ITFG1: variants seen among roughly 807,000 people sequenced by gnomAD.
ITFG1 encodes T-cell immunomodulatory protein.
Under a neutral mutation model 81.8 loss-of-function variants are expected in ITFG1, and 34 were observed. The ratio of observed to expected loss-of-function variants is 0.42; its 90% CI spans 0.32 to 0.55. The LOEUF (loss-of-function observed/expected upper bound fraction) is 0.55. ITFG1 is among the 20% of genes least tolerant of loss of function. The pLI, the probability that ITFG1 is intolerant of heterozygous loss-of-function variation, is 0.17. For synonymous variants in ITFG1, 285 were observed against 270.6 expected (o/e 1.05, Z -0.52); for missense variants, 672 against 755.4 (o/e 0.89, Z 1.29).
chr16:47,437,638 G>C (rs1204177420), intron 5 of ITFG1, among the ~76,000 whole-genome samples: 1 of 152,222 alleles, frequency 6.6e-6, no homozygotes, highest in Non-Finnish European at 1.5e-5. Flanking sequence ...CATTCTATTA[G>C]AAGCATACTC....
At chr16:47,314,806 G>A (rs944324435) in intron 8 of ITFG1, among the ~76,000 whole-genome samples, 4 of 152,014 alleles carry the variant, frequency 2.6e-5, no homozygotes, top group Admixed American at 6.6e-5. Context: ...TATTTAACTC[G>A]TGCCTGAGGT....
intron 14 of ITFG1, among the ~76,000 whole-genome samples, chr16:47,177,236 C>T (rs1965040426): frequency 6.6e-6 from 1 of 152,286 alleles, no homozygotes; most frequent in South Asian, 2.1e-4. Context: ...TCCTGAGTAG[C>T]TGGGATTACA....
rs140594113 is a variant in ITFG1 at position 47,400,640 on chromosome 16, T to G, written c.656-24700A>C. ...ATAGTGGTCATTGTATTCTGGGGGC[T>G]TCCCAGAAAAAAGAGGTGTCAGTTG... On this transcript the variant is annotated intron_variant, in intron 6 of 17. Transcript: ENST00000320640. 5.0e-3 allele frequency among the ~76,000 whole-genome samples: 763 copies of G among 152,216 alleles called. 3 individuals are homozygous for G. Among genetic ancestry groups the G allele is most frequent in the Non-Finnish European group, 7.5e-3 (509 of 68,006 alleles).
chr16:47,239,596 A>G (rs1965911539), intron 12 of ITFG1, among the ~76,000 whole-genome samples: 1 of 152,202 alleles, frequency 6.6e-6, no homozygotes, highest in African/African-American at 2.4e-5. Flanking sequence ...ATTTCATCAC[A>G]AAAGAGAATA....
chr16:47,436,370 A>T (rs1432002379), intron 5 of ITFG1, among the ~76,000 whole-genome samples: 1 of 152,168 alleles, frequency 6.6e-6, no homozygotes, highest in African/African-American at 2.4e-5. Flanking sequence ...CGTTTAAAAA[A>T]ACTCCCTTTG....
rs1356261080 is a variant in ITFG1, at chr16:47,452,766, T to C, written c.452A>G (p.Asn151Ser). 1.9e-6 allele frequency: 3 copies of C among 1,582,422 alleles called. No individual in the cohort carries two copies. Among genetic ancestry groups the C allele is most frequent in the Non-Finnish European group, 2.6e-6 (3 of 1,160,106 alleles). Residue 151 changes from asparagine to serine, a missense_variant, in exon 4 of 18, where the codon AAT (asparagine) becomes AGT (serine). This residue lies in a region of ITFG1 where 560 missense variants were observed against 625.7 expected (regional missense o/e 0.90). Coordinates refer to ENST00000320640, the MANE Select transcript of ITFG1 (RefSeq NM_030790.5). Reference sequence around the variant, plus strand: ...TAGTGGCTCATCTTGAAAAGTCCTATTGAGTATGGTCATATTGTTAGGATC... The same window carrying C: ...TAGTGGCTCATCTTGAAAAGTCCTACTGAGTATGGTCATATTGTTAGGATC... The part of the protein sequence containing the change: ...TLDPNNMTIL[N>S]RTFQDEPLIM...
chr16:47,360,272 T>C, intron 8 of ITFG1, among the ~76,000 whole-genome samples: 1 of 151,964 alleles, frequency 6.6e-6, no homozygotes, highest in Non-Finnish European at 1.5e-5. Context: ...TAATGTACTC[T>C]GTATTTACTT....
chr16:47,213,600 C>T (rs1303143087), intron 14 of ITFG1, among the ~76,000 whole-genome samples: 1 of 152,086 alleles, frequency 6.6e-6, no homozygotes, highest in Admixed American at 6.5e-5. Context: ...ATTAGAATTG[C>T]TATGTCACGG....
chr16:47,194,245 A>T (rs1965328577), intron 14 of ITFG1, among the ~76,000 whole-genome samples: 1 of 152,174 alleles, frequency 6.6e-6, no homozygotes, highest in African/African-American at 2.4e-5. Context: ...TCTTTCTTTG[A>T]ACTCTATTGC....
At chr16:47,445,680 C>T (rs913466084) in intron 5 of ITFG1, among the ~76,000 whole-genome samples, 4 of 152,056 alleles carry the variant, frequency 2.6e-5, no homozygotes, top group Non-Finnish European at 5.9e-5. Context: ...CTATTTTGAC[C>T]AAGAGAATAT....
intron 14 of ITFG1, among the ~76,000 whole-genome samples, chr16:47,193,634 C>T (rs1965319629): frequency 6.6e-6 from 1 of 152,156 alleles, no homozygotes; most frequent in Non-Finnish European, 1.5e-5. Context: ...GTTGAGGCTG[C>T]AGTCAGTTAT....
At chr16:47,330,673 A>G (rs989088584) in intron 8 of ITFG1, among the ~76,000 whole-genome samples, 6 of 152,302 alleles carry the variant, frequency 3.9e-5, no homozygotes, top group Middle Eastern at 3.4e-3. Flanking sequence ...GAACATGAAC[A>G]GATACTTCTC....
chr16:47,378,052 T>C (rs1968349382), intron 6 of ITFG1, among the ~76,000 whole-genome samples: 1 of 152,220 alleles, frequency 6.6e-6, no homozygotes, highest in Admixed American at 6.5e-5. Flanking sequence ...TAAAAGGTGT[T>C]ACATTTTTAT....
At chr16:47,313,419 C>T (rs1003583911) in intron 9 of ITFG1, among the ~76,000 whole-genome samples, 2 of 152,120 alleles carry the variant, frequency 1.3e-5, no homozygotes, top group African/African-American at 4.8e-5. Flanking sequence ...ATAGATACAA[C>T]GTTCTTCTAA....
At chr16:47,330,091 T>C (rs551031868) in intron 8 of ITFG1, among the ~76,000 whole-genome samples, 5 of 151,734 alleles carry the variant, frequency 3.3e-5, no homozygotes, top group African/African-American at 9.7e-5. Flanking sequence ...TGGTAAAAAA[T>C]AGACAGGCAT....
chr16:47,420,901 T>C (rs1352875221), intron 6 of ITFG1, among the ~76,000 whole-genome samples: 1 of 152,202 alleles, frequency 6.6e-6, no homozygotes, highest in Admixed American at 6.5e-5. Context: ...TCTCTGCCTT[T>C]AGATATAATA....
chr16:47,406,811 A>C (rs1488992910), intron 6 of ITFG1, among the ~76,000 whole-genome samples: 1 of 152,240 alleles, frequency 6.6e-6, no homozygotes, highest in African/African-American at 2.4e-5. Context: ...GAGAAGGAAC[A>C]TAACATTTAA....
rs139129442 is a variant in ITFG1 at position 47,323,855 on chromosome 16, A to C, written c.803-10032T>G. Among the ~76,000 whole-genome samples, 813 of 152,214 alleles carry C rather than the reference A, an allele frequency of 5.3e-3. 7 individuals carry two copies. The highest frequency in any genetic ancestry group is 0.037 in the Middle Eastern group (11 of 294). ...ATTCTACATGGCAACAGCCTTGTTT[A>C]TTTTACTTTCTGAAGTCTGGAAGAG... is the stretch of plus-strand genomic sequence containing the variant. On this transcript the variant is annotated intron_variant, in intron 8 of 17. Transcript: ENST00000320640.
At chr16:47,440,796 C>T (rs1969237889) in intron 5 of ITFG1, among the ~76,000 whole-genome samples, 1 of 152,052 alleles carries the variant, frequency 6.6e-6, no homozygotes, top group Non-Finnish European at 1.5e-5. Flanking sequence ...CAAGAGCAAA[C>T]ACATTCAAAA....
Sources: allele counts gnomAD v4.1 joint callset (sites outside exome capture counted in the v4.1 genomes callset), GRCh38; gene constraint gnomAD v4.1.1; regional missense constraint gnomAD v4.1.1; transcripts MANE v1.5; gene names NCBI Gene and HGNC (gene_info 2026-07-23, HGNC 2026-07-21).